LRRC37A2: variants seen among roughly 807,000 people sequenced by gnomAD.
The protein encoded by LRRC37A2 is leucine rich repeat containing 37 member A2, also known as leucine-rich repeat-containing protein 37A2.
LRRC37A2 carries 9 observed loss-of-function variants against 68.8 expected under a neutral mutation model. The ratio of observed to expected loss-of-function variants is 0.13; its 90% CI spans 0.08 to 0.23. The LOEUF (loss-of-function observed/expected upper bound fraction) is 0.23. Among genes scored for constraint, LRRC37A2 ranks in the 10% least tolerant of loss-of-function variants. The probability of loss-of-function intolerance (pLI) is 1.00; values close to 1 mark genes in which losing one functional copy is unlikely to be tolerated. For missense variants in LRRC37A2, 168 were observed against 950.4 expected, an observed-to-expected ratio of 0.18 and a Z score of 10.82; for synonymous variants, 63 against 367.6, an observed-to-expected ratio of 0.17 and a Z score of 9.48.
chr17:46,404,977 C>T, the LRRC37A2 span, among the ~76,000 whole-genome samples: 6 of 97,252 alleles, frequency 6.2e-5, 1 homozygote, highest in African/African-American at 1.4e-4. Flanking sequence ...CCGAGGCGGG[C>T]GGATTGCCTG....
chr17:46,814,135 TCC>T, the LRRC37A2 span, among the ~76,000 whole-genome samples: 636 of 152,212 alleles, frequency 4.2e-3, 3 homozygotes, highest in Non-Finnish European at 7.5e-3. Flanking sequence ...GCCCTCAGGA[TCC>T]CTGGGGTGGA....
At chr17:46,720,732 T>C in the LRRC37A2 span, among the ~76,000 whole-genome samples, 1 of 152,204 alleles carries the variant, frequency 6.6e-6, no homozygotes, top group African/African-American at 2.4e-5. Context: ...AGTCATCAGA[T>C]TTCTACTAAC....
intron 6 of LRRC37A2, among the ~76,000 whole-genome samples, chr17:46,526,456 C>G (rs2145040357): frequency 9.7e-6 from 1 of 103,506 alleles, no homozygotes; most frequent in East Asian, 2.4e-4. Flanking sequence ...AGGCTTCTCA[C>G]TTGCACAGGC....
At chr17:47,006,827 C>G in the LRRC37A2 span, among the ~76,000 whole-genome samples, 2 of 152,212 alleles carry the variant, frequency 1.3e-5, no homozygotes, top group Middle Eastern at 3.2e-3. Flanking sequence ...TGAAAGTACA[C>G]AGAAGCTGTG....
At chr17:47,035,858 G>A in the LRRC37A2 span, among the ~76,000 whole-genome samples, 1 of 152,152 alleles carries the variant, frequency 6.6e-6, no homozygotes, top group Non-Finnish European at 1.5e-5. Flanking sequence ...ATCCCAGTGA[G>A]TGTAAAGTAG....
chr17:46,742,910 A>T, the LRRC37A2 span, among the ~76,000 whole-genome samples: 5 of 152,206 alleles, frequency 3.3e-5, no homozygotes, highest in Admixed American at 6.5e-5. Context: ...ATGAAAAATT[A>T]TTCCTATTTC....
the LRRC37A2 span, among the ~76,000 whole-genome samples, chr17:46,843,399 G>A: frequency 1.3e-5 from 2 of 152,030 alleles, no homozygotes; most frequent in East Asian, 3.9e-4. Context: ...TAATTAGGAG[G>A]GACTATTCCA....
At chr17:46,775,984 T>C in the LRRC37A2 span, among the ~76,000 whole-genome samples, 1 of 152,156 alleles carries the variant, frequency 6.6e-6, no homozygotes, top group Non-Finnish European at 1.5e-5. Context: ...AGCAGAGGCT[T>C]TTCCTTGGGT....
the LRRC37A2 span, among the ~76,000 whole-genome samples, chr17:46,731,418 G>A: frequency 1.3e-5 from 2 of 152,176 alleles, no homozygotes; most frequent in Admixed American, 1.3e-4. Context: ...AATTGATTTT[G>A]GTGGTGTTGT....
the LRRC37A2 span, chr17:47,019,442 C>A: frequency 6.2e-7 from 1 of 1,610,762 alleles, no homozygotes; most frequent in South Asian, 1.1e-5. Context: ...AGCCTCCAGA[C>A]CTAGGGCTTG....
the LRRC37A2 span, among the ~76,000 whole-genome samples, chr17:46,884,018 A>G: frequency 6.6e-6 from 1 of 152,136 alleles, no homozygotes; most frequent in Non-Finnish European, 1.5e-5. Flanking sequence ...CCCGCCATGG[A>G]GAGTGGGCAG....
the LRRC37A2 span, among the ~76,000 whole-genome samples, chr17:46,464,041 G>C: frequency 3.6e-5 from 1 of 27,714 alleles, no homozygotes; most frequent in African/African-American, 1.6e-4. Flanking sequence ...TTCCTTTCCT[G>C]CTTTCCAGCA....
chr17:46,979,041 C>G, the LRRC37A2 span: 1 of 1,371,928 alleles, frequency 7.3e-7, no homozygotes, highest in Non-Finnish European at 9.3e-7. Context: ...GGCGCGCAGT[C>G]CCGGGTGCAC....
At chr17:46,495,627 C>T in the LRRC37A2 span, among the ~76,000 whole-genome samples, 8 of 150,980 alleles carry the variant, frequency 5.3e-5, no homozygotes, top group East Asian at 5.8e-4. Context: ...TCAGGTGATT[C>T]GTCTGCCTTG....
chr17:46,745,235 T>G, the LRRC37A2 span, among the ~76,000 whole-genome samples: 39 of 152,318 alleles, frequency 2.6e-4, no homozygotes, highest in African/African-American at 9.4e-4. Flanking sequence ...CTTTAATATA[T>G]TCGGAGCTGT....
At chr17:46,540,401 GA>G (rs1378760788) in intron 7 of LRRC37A2, among the ~76,000 whole-genome samples, 154 bp downstream of exon 6, 1 of 116,230 alleles carries the variant, frequency 8.6e-6, no homozygotes, top group Non-Finnish European at 1.7e-5. Flanking sequence ...AAAAAACTAA[GA>G]GGATGTATAA....
chr17:46,712,509 G>A, the LRRC37A2 span, among the ~76,000 whole-genome samples: 377 of 152,306 alleles, frequency 2.5e-3, no homozygotes, highest in Middle Eastern at 0.01. Flanking sequence ...AACACTAATG[G>A]AAAGCAGATT....
At chr17:46,974,705 GC>G in the LRRC37A2 span, among the ~76,000 whole-genome samples, 1 of 149,634 alleles carries the variant, frequency 6.7e-6, no homozygotes, top group Non-Finnish European at 1.5e-5. Flanking sequence ...CTGCACTCCA[GC>G]CTGGGGGACA....
the LRRC37A2 span, among the ~76,000 whole-genome samples, chr17:46,769,042 G>C: frequency 3.3e-5 from 5 of 152,324 alleles, no homozygotes; most frequent in African/African-American, 1.2e-4. Context: ...AATACGAGTT[G>C]TTGCCCAGGC....
Sources: allele counts gnomAD v4.1 joint callset (sites outside exome capture counted in the v4.1 genomes callset), GRCh38; gene constraint gnomAD v4.1.1; transcripts MANE v1.5; gene names NCBI Gene and HGNC (gene_info 2026-07-23, HGNC 2026-07-21).